KIF1B: variants seen among roughly 807,000 people sequenced by gnomAD.
KIF1B encodes kinesin family member 1B.
Under a neutral mutation model 241.9 loss-of-function variants are expected in KIF1B, and 76 were observed. The ratio of observed to expected loss-of-function variants is 0.31; its 90% CI spans 0.26 to 0.38. The LOEUF is 0.38. KIF1B is among the 10% of genes least tolerant of loss of function. The pLI is 1.00. For missense variants in KIF1B, 1,622 were observed against 2,271.4 expected (o/e 0.71, Z 5.81); for synonymous variants, 750 against 796.7 (o/e 0.94, Z 0.99).
intron 17 of KIF1B, among the ~76,000 whole-genome samples, chr1:10,293,044 C>T (rs1650081678): frequency 6.7e-6 from 1 of 149,050 alleles, no homozygotes; most frequent in African/African-American, 2.5e-5. Flanking sequence ...GTGGTTTTCG[C>T]TACAATTCTT....
chr1:10,330,894 G>A (rs1037624832), intron 27 of KIF1B, among the ~76,000 whole-genome samples: 1 of 152,190 alleles, frequency 6.6e-6, no homozygotes. Flanking sequence ...TGTGTGTGTT[G>A]TCGGAGATCA....
intron 17 of KIF1B, among the ~76,000 whole-genome samples, chr1:10,293,248 C>T (rs1650095938): frequency 6.6e-6 from 1 of 152,014 alleles, no homozygotes; most frequent in African/African-American, 2.4e-5. Flanking sequence ...GTTTTTCCTT[C>T]AGTAAGACAT....
At chr1:10,229,244 G>A (rs1389579450) in intron 1 of KIF1B, among the ~76,000 whole-genome samples, 1 of 151,966 alleles carries the variant, frequency 6.6e-6, no homozygotes, top group Non-Finnish European at 1.5e-5. Flanking sequence ...AAATAAAATG[G>A]CAAACAGACT....
chr1:10,222,458 A>G (rs775247778), intron 1 of KIF1B, among the ~76,000 whole-genome samples: 2 of 152,198 alleles, frequency 1.3e-5, no homozygotes. Context: ...AGGAGAGGCA[A>G]TGGCATGAAC....
At chr1:10,371,390 G>T in intron 45 of KIF1B, 128 bp downstream of exon 45, 3 of 1,120,080 alleles carry the variant, frequency 2.7e-6, no homozygotes, top group Non-Finnish European at 3.9e-6. Context: ...AAATGTGTGG[G>T]AGCCTTTTTG....
In KIF1B at chr1:10,258,578, A is replaced by G; in HGVS notation, c.269A>G (p.Asn90Ser). Residue 90 changes from asparagine (N) to serine (S), a missense_variant, in exon 4 of 49, where the codon AAT becomes AGT. Coordinates refer to ENST00000676179, the MANE Select transcript of KIF1B (RefSeq NM_001365951.3). Reference protein sequence around the residue: ...EMLLHAFEGYNVCIFAYGQTG... With the variant: ...EMLLHAFEGYSVCIFAYGQTG... ...CTCTTACACGCCTTTGAGGGATATAATGTCTGTATTTTTGCCTATGGGCAG... is the reference window on the plus strand; with the variant it reads ...CTCTTACACGCCTTTGAGGGATATAGTGTCTGTATTTTTGCCTATGGGCAG... The G allele has an allele frequency of 6.2e-7, 1 of 1,614,160 alleles. No homozygotes were observed. The highest frequency in any genetic ancestry group is 8.5e-7 in the Non-Finnish European group (1 of 1,180,008).
At chr1:10,290,550 C>T (rs879609051) in intron 15 of KIF1B, among the ~76,000 whole-genome samples, 2 of 151,692 alleles carry the variant, frequency 1.3e-5, no homozygotes, top group East Asian at 2.0e-4. Flanking sequence ...GGCGCGATCT[C>T]GGCTCGCTGC....
chr1:10,258,560 A>C lies in KIF1B; in HGVS notation c.251A>C (p.His84Pro). Residue 84 changes from histidine (H) to proline (P), a missense_variant, in exon 4 of 49, where the codon CAC becomes CCC. Transcript: ENST00000676179. Reference sequence around the variant, plus strand: ...GACATTGGCAAGGAAATGCTCTTACACGCCTTTGAGGGATATAATGTCTGT... The same window carrying C: ...GACATTGGCAAGGAAATGCTCTTACCCGCCTTTGAGGGATATAATGTCTGT... ...YNDIGKEMLL[H>P]AFEGYNVCIF... 6.2e-7 allele frequency: 1 copy of C among 1,614,162 alleles called. No homozygotes were observed. The highest frequency in any genetic ancestry group is 8.5e-7 in the Non-Finnish European group (1 of 1,180,018).
chr1:10,273,631 A>AGAT (rs978215652), intron 10 of KIF1B, among the ~76,000 whole-genome samples: 2 of 145,738 alleles, frequency 1.4e-5, no homozygotes, highest in Non-Finnish European at 3.0e-5. Flanking sequence ...GAGTGGAATG[A>AGAT]GATGATGATG....
intron 1 of KIF1B, among the ~76,000 whole-genome samples, chr1:10,216,387 C>T (rs1294396551): frequency 1.3e-5 from 2 of 152,186 alleles, no homozygotes; most frequent in African/African-American, 2.4e-5. Flanking sequence ...CCTAAACCGT[C>T]GGCCTCTTCC....
chr1:10,355,089 T>A (rs1652928056), intron 38 of KIF1B, among the ~76,000 whole-genome samples: 2 of 152,190 alleles, frequency 1.3e-5, no homozygotes, highest in Non-Finnish European at 2.9e-5. Context: ...TTCTCAATAC[T>A]AAGTCACCAC....
intron 45 of KIF1B, 139 bp downstream of exon 45, chr1:10,371,401 G>T: frequency 1.0e-6 from 1 of 993,642 alleles, no homozygotes; most frequent in Non-Finnish European, 1.5e-6. Context: ...AGCCTTTTTG[G>T]CTATCACAGT....
chr1:10,367,307 G>A lies in KIF1B; in HGVS notation c.4753-1160G>A, dbSNP rs1398588970. 2.6e-5 allele frequency among the ~76,000 whole-genome samples: 4 copies of A among 151,406 alleles called. No individual in the cohort carries two copies. The South Asian group carries it at 6.2e-4, about 24-fold the overall frequency. On this transcript the variant is annotated intron_variant, in intron 43 of 48. Transcript: ENST00000676179. ...GACAGAGTTTCACCATGTTGGCCAG[G>A]CTGGTCTTGAACTCCTGACCTCAGG... is the stretch of plus-strand genomic sequence containing the variant.
intron 22 of KIF1B, chr1:10,306,486 G>A (rs945458634): frequency 1.5e-5 from 14 of 921,152 alleles, no homozygotes; most frequent in South Asian, 1.0e-4. Context: ...TGGCACATGC[G>A]TACAGCCCCA....
At chr1:10,226,072 A>G (rs1646904930) in intron 1 of KIF1B, among the ~76,000 whole-genome samples, 1 of 152,160 alleles carries the variant, frequency 6.6e-6, no homozygotes, top group Non-Finnish European at 1.5e-5. Context: ...AGAGAGAGAA[A>G]GCTGGTTAAG....
chr1:10,251,503 G>A (rs1375139816), intron 2 of KIF1B, among the ~76,000 whole-genome samples: 2 of 152,002 alleles, frequency 1.3e-5, no homozygotes, highest in Non-Finnish European at 2.9e-5. Flanking sequence ...GGGTGGCTTA[G>A]GTGGGTGGAT....
chr1:10,352,510 C>T, intron 37 of KIF1B, 121 bp from the exon 38 acceptor site: 1 of 814,918 alleles, frequency 1.2e-6, no homozygotes, highest in Non-Finnish European at 2.1e-6. Flanking sequence ...CTACAGGTAA[C>T]CAAATGACCC....
chr1:10,347,264 G>T (rs1327398599), intron 35 of KIF1B, among the ~76,000 whole-genome samples: 2 of 152,194 alleles, frequency 1.3e-5, no homozygotes, highest in African/African-American at 4.8e-5. Flanking sequence ...CACTTATTAA[G>T]TTCCTACTAT....
At chr1:10,239,501 G>GT (rs987181581) in intron 2 of KIF1B, among the ~76,000 whole-genome samples, 3 of 151,484 alleles carry the variant, frequency 2.0e-5, no homozygotes, top group African/African-American at 7.3e-5. Flanking sequence ...AGTTTTGTTG[G>GT]TTTTTTTAAA....
Sources: gnomAD v4.1 joint callset for allele counts (sites outside exome capture counted in the v4.1 genomes callset) on GRCh38, gnomAD v4.1.1 for gene constraint, MANE v1.5 for transcripts, NCBI Gene and HGNC (gene_info 2026-07-23, HGNC 2026-07-21) for gene names.